Variants in BTBD9 observed in about 807,000 individuals in gnomAD.
BTBD9 encodes BTB domain containing 9, also known as BTB/POZ domain-containing protein 9.
BTBD9 carries 49 observed loss-of-function variants against 64.3 expected under a neutral mutation model. The observed-to-expected ratio is 0.76, with a 90% CI of 0.61 to 0.97. BTBD9 has a LOEUF of 0.97. BTBD9 is among the 50% of genes least tolerant of loss of function. The pLI is 0.00. For synonymous variants in BTBD9, 260 were observed against 274.7 expected (o/e 0.95, Z 0.53); for missense variants, 598 against 762.1 (o/e 0.78, Z 2.53).
At chr6:38,516,927 G>A (rs1424762713) in intron 6 of BTBD9, among the ~76,000 whole-genome samples, 1 of 152,168 alleles carries the variant, frequency 6.6e-6, no homozygotes, top group Non-Finnish European at 1.5e-5. Flanking sequence ...ACTGCACTCT[G>A]AATAAAAAGT....
intron 6 of BTBD9, among the ~76,000 whole-genome samples, chr6:38,402,508 T>C (rs1185986628): frequency 6.6e-6 from 1 of 152,098 alleles, no homozygotes; most frequent in Non-Finnish European, 1.5e-5. Flanking sequence ...AGAATAAAAT[T>C]GAGAGCACAG....
intron 1 of BTBD9, among the ~76,000 whole-genome samples, chr6:38,607,269 G>GTAAT (rs1777461264): frequency 6.6e-6 from 1 of 152,064 alleles, no homozygotes; most frequent in Non-Finnish European, 1.5e-5. Flanking sequence ...AGACTAAACA[G>GTAAT]TAATTTATAA....
intron 4 of BTBD9, 69 bp from the exon 5 acceptor site, chr6:38,580,506 C>T: frequency 5.3e-6 from 7 of 1,317,062 alleles, no homozygotes; most frequent in Non-Finnish European, 7.5e-6. Flanking sequence ...GAAAAAAATA[C>T]AATTCTAGCA....
intron 1 of BTBD9, among the ~76,000 whole-genome samples, chr6:38,616,342 T>G (rs1045780201): frequency 6.6e-6 from 1 of 152,236 alleles, no homozygotes; most frequent in African/African-American, 2.4e-5. Flanking sequence ...GGACTTTTAC[T>G]TATATAATGG....
At chr6:38,484,621 GA>G (rs1033382789) in intron 6 of BTBD9, among the ~76,000 whole-genome samples, 2 of 152,172 alleles carry the variant, frequency 1.3e-5, no homozygotes, top group African/African-American at 4.8e-5. Flanking sequence ...TTCAGTTTAT[GA>G]CCACACAATA....
chr6:38,524,357 T>C (rs1371636846), intron 6 of BTBD9, among the ~76,000 whole-genome samples: 2 of 151,988 alleles, frequency 1.3e-5, no homozygotes, highest in Non-Finnish European at 2.9e-5. Context: ...TACTGAAAAA[T>C]TTTTCTTCTC....
chr6:38,341,157 T>C (rs887325929), intron 7 of BTBD9, among the ~76,000 whole-genome samples: 7 of 152,360 alleles, frequency 4.6e-5, no homozygotes, highest in Non-Finnish European at 7.3e-5. Context: ...TTGCCTAATA[T>C]GGACCTTAAC....
At chr6:38,389,329 A>T (rs1414432686) in intron 6 of BTBD9, among the ~76,000 whole-genome samples, 1 of 152,212 alleles carries the variant, frequency 6.6e-6, no homozygotes, top group South Asian at 2.1e-4. Context: ...TTAATGATAC[A>T]TTACTGCATC....
At chr6:38,592,127 A>G (rs1045796473) in intron 4 of BTBD9, among the ~76,000 whole-genome samples, 3 of 151,664 alleles carry the variant, frequency 2.0e-5, no homozygotes, top group Non-Finnish European at 4.4e-5. Flanking sequence ...GGTTGCAGTG[A>G]GCCGAGATTG....
chr6:38,303,874 T>TATAGAC (rs368257334), intron 7 of BTBD9, among the ~76,000 whole-genome samples: 3 of 82,650 alleles, frequency 3.6e-5, no homozygotes, highest in Admixed American at 1.3e-4. Context: ...TATATATATA[T>TATAGAC]ACACACACAC....
At chr6:38,607,556 C>T (rs1777472380) in intron 1 of BTBD9, among the ~76,000 whole-genome samples, 1 of 151,980 alleles carries the variant, frequency 6.6e-6, no homozygotes, top group African/African-American at 2.4e-5. Flanking sequence ...CAGTAAGTTG[C>T]CAAAGGATAT....
At chr6:38,246,036 C>T (rs1295446255) in intron 9 of BTBD9, among the ~76,000 whole-genome samples, 2 of 152,206 alleles carry the variant, frequency 1.3e-5, no homozygotes, top group East Asian at 3.9e-4. Flanking sequence ...CCCAAGAGGA[C>T]TTCATTTCCT....
intron 6 of BTBD9, among the ~76,000 whole-genome samples, chr6:38,348,919 T>C (rs1764391497): frequency 6.6e-6 from 1 of 152,112 alleles, no homozygotes; most frequent in African/African-American, 2.4e-5. Context: ...AATATGCATA[T>C]ATTTTTTGAG....
chr6:38,189,292 T>C (rs887411057), intron 10 of BTBD9, among the ~76,000 whole-genome samples: 1 of 152,222 alleles, frequency 6.6e-6, no homozygotes, highest in Non-Finnish European at 1.5e-5. Flanking sequence ...CTGACCCAAG[T>C]CATCCTCCTT....
chr6:38,383,915 T>C (rs1377511202), intron 6 of BTBD9, among the ~76,000 whole-genome samples: 2 of 152,128 alleles, frequency 1.3e-5, no homozygotes, highest in Non-Finnish European at 2.9e-5. Flanking sequence ...TTTGCCCAAG[T>C]CCAGGGATGA....
intron 7 of BTBD9, among the ~76,000 whole-genome samples, chr6:38,306,993 C>T (rs2127568145): frequency 6.6e-6 from 1 of 151,288 alleles, no homozygotes; most frequent in African/African-American, 2.4e-5. Context: ...TTCTCTATTG[C>T]CAAGATTTTC....
intron 6 of BTBD9, among the ~76,000 whole-genome samples, chr6:38,350,982 T>C (rs560290891): frequency 2.6e-5 from 4 of 152,248 alleles, no homozygotes; most frequent in Non-Finnish European, 5.9e-5. Flanking sequence ...GTTCTGTGTA[T>C]AATGTTAGTG....
intron 8 of BTBD9, among the ~76,000 whole-genome samples, chr6:38,278,864 A>C (rs1350548778): frequency 6.6e-6 from 1 of 152,214 alleles, no homozygotes; most frequent in Non-Finnish European, 1.5e-5. Context: ...TAAAAGGAAG[A>C]AAGAAGATCC....
At chr6:38,451,641 A>C (rs17590109) in intron 6 of BTBD9, among the ~76,000 whole-genome samples, 3,163 of 152,232 alleles carry the variant, frequency 0.021, 53 homozygotes, top group Non-Finnish European at 0.032. Flanking sequence ...ACCACATATG[A>C]AGACGATGAT....
Sources: allele counts gnomAD v4.1 joint callset (sites outside exome capture counted in the v4.1 genomes callset), GRCh38; gene constraint gnomAD v4.1.1; transcripts MANE v1.5; gene names NCBI Gene and HGNC (gene_info 2026-07-23, HGNC 2026-07-21).